The following CNTNAP4 variants were observed in gnomAD, a reference collection of about 807,000 sequenced individuals.
The protein encoded by CNTNAP4 is contactin associated protein family member 4.
CNTNAP4 carries 98 observed loss-of-function variants against 148.4 expected under a neutral mutation model. The observed-to-expected ratio is 0.66, with a 90% CI of 0.56 to 0.78. The LOEUF (loss-of-function observed/expected upper bound fraction) is 0.78, where lower values mean the gene tolerates loss of function less well. Ranked by LOEUF, CNTNAP4 falls within the 30% of genes least tolerant of loss-of-function variation. The probability of loss-of-function intolerance (pLI) is 0.00; values close to 1 mark genes in which losing one functional copy is unlikely to be tolerated. For synonymous variants in CNTNAP4, 730 were observed against 565.1 expected (o/e 1.29, Z -4.14); for missense variants, 1,935 against 1,565.6 (o/e 1.24, Z -3.98).
intron 2 of CNTNAP4, among the ~76,000 whole-genome samples, chr16:76,353,906 T>TAC (rs2012208605): frequency 1.3e-5 from 2 of 152,176 alleles, no homozygotes; most frequent in Admixed American, 1.3e-4. Flanking sequence ...CGCCCTACCA[T>TAC]AACAGCAAAC....
At chr16:76,490,498 C>A (rs2082177260) in intron 13 of CNTNAP4, among the ~76,000 whole-genome samples, 1 of 149,588 alleles carries the variant, frequency 6.7e-6, no homozygotes. Context: ...TCTGTTTCCA[C>A]CACATCTGCC....
intron 8 of CNTNAP4, among the ~76,000 whole-genome samples, chr16:76,456,210 C>T (rs1236418232): frequency 6.6e-6 from 1 of 152,160 alleles, no homozygotes; most frequent in Non-Finnish European, 1.5e-5. Flanking sequence ...AGAACACACC[C>T]TGGAAACCAA....
chr16:76,380,488 C>T (rs2015857490), intron 3 of CNTNAP4, among the ~76,000 whole-genome samples: 1 of 152,124 alleles, frequency 6.6e-6, no homozygotes, highest in Non-Finnish European at 1.5e-5. Flanking sequence ...ATTATTAGAG[C>T]ATTTTTGTAT....
Position 76,313,930 on chromosome 16 carries a change from G to C in CNTNAP4, c.86-2483G>C, listed in dbSNP as rs538224485. 1.4e-4 allele frequency among the ~76,000 whole-genome samples: 22 copies of C among 152,150 alleles called. No individual in the cohort carries two copies. The South Asian group carries it at 2.9e-3, about 20-fold the overall frequency. ...ATTTTTCTGATTAATGCAAAAATGG[G>C]AACAACTTAAGAGTATAAAATAAAA... is the stretch of plus-strand genomic sequence containing the variant. On this transcript the variant is annotated intron_variant, in intron 1 of 23. Coordinates refer to ENST00000611870, the MANE Select transcript of CNTNAP4 (RefSeq NM_033401.5).
intron 21 of CNTNAP4, among the ~76,000 whole-genome samples, chr16:76,546,710 G>A (rs2084750698): frequency 6.6e-6 from 1 of 152,134 alleles, no homozygotes; most frequent in East Asian, 1.9e-4. Flanking sequence ...TAGAAAACCT[G>A]TCTTCCTTGA....
At chr16:76,469,058 A>G (rs1297334516) in intron 10 of CNTNAP4, among the ~76,000 whole-genome samples, 1 of 152,202 alleles carries the variant, frequency 6.6e-6, no homozygotes, top group African/African-American at 2.4e-5. Flanking sequence ...TTTATATCCA[A>G]TGGACCACTC....
Position 76,351,403 on chromosome 16 carries a change from T to C in CNTNAP4, c.197-3915T>C, listed in dbSNP as rs761851624. 4.7e-4 allele frequency among the ~76,000 whole-genome samples: 72 copies of C among 152,094 alleles called. 1 individual carries two copies. The highest frequency in any genetic ancestry group is 7.5e-4 in the Non-Finnish European group (51 of 68,020). On this transcript the variant is annotated intron_variant, in intron 2 of 23. Transcript: ENST00000611870. ...TTCTGCAAAGAATAATCAATTTATC[T>C]CTATCGCTCAGTCTATCTGTCTAGC...
At chr16:76,425,951 A>C (rs2079380873) in intron 3 of CNTNAP4, among the ~76,000 whole-genome samples, 1 of 152,160 alleles carries the variant, frequency 6.6e-6, no homozygotes, top group African/African-American at 2.4e-5. Flanking sequence ...GATGGCAAAG[A>C]ACAAAATAAT....
At chr16:76,437,985 A>C (rs2079894309) in intron 4 of CNTNAP4, among the ~76,000 whole-genome samples, 1 of 152,164 alleles carries the variant, frequency 6.6e-6, no homozygotes, top group Admixed American at 6.6e-5. Context: ...AGAGTTCTGA[A>C]GTTTAAGGTA....
At chr16:76,360,639 G>A (rs2013297682) in intron 3 of CNTNAP4, among the ~76,000 whole-genome samples, 1 of 152,206 alleles carries the variant, frequency 6.6e-6, no homozygotes, top group Non-Finnish European at 1.5e-5. Flanking sequence ...AATGCCTAGA[G>A]AGTGCCTGCA....
At chr16:76,452,141 G>A (rs2080513198) in intron 7 of CNTNAP4, among the ~76,000 whole-genome samples, 1 of 149,128 alleles carries the variant, frequency 6.7e-6, no homozygotes, top group Non-Finnish European at 1.5e-5. Context: ...TTCAGCTTTT[G>A]TTATTTCATT....
At chr16:76,450,054 T>A (rs2080402312) in intron 7 of CNTNAP4, among the ~76,000 whole-genome samples, 196 bp downstream of exon 7, 1 of 152,166 alleles carries the variant, frequency 6.6e-6, no homozygotes, top group Non-Finnish European at 1.5e-5. Context: ...CATAATTATT[T>A]TATTTTTATA....
At chr16:76,367,567 C>T (rs1484605621) in intron 3 of CNTNAP4, among the ~76,000 whole-genome samples, 1 of 152,186 alleles carries the variant, frequency 6.6e-6, no homozygotes, top group African/African-American at 2.4e-5. Flanking sequence ...GACTGACATT[C>T]TGACTGACTG....
chr16:76,433,404 ATAAAT>A (rs2079687755), intron 4 of CNTNAP4, among the ~76,000 whole-genome samples: 1 of 152,220 alleles, frequency 6.6e-6, no homozygotes, highest in Admixed American at 6.5e-5. Context: ...ATCATATTTA[ATAAAT>A]TAAACATCAA....
intron 18 of CNTNAP4, among the ~76,000 whole-genome samples, chr16:76,536,471 C>G (rs1410838533): frequency 6.6e-6 from 1 of 152,146 alleles, no homozygotes. Flanking sequence ...GCTGGGATTA[C>G]AGACGTGAGT....
intron 1 of CNTNAP4, among the ~76,000 whole-genome samples, chr16:76,286,530 A>C (rs1958892982): frequency 6.6e-6 from 1 of 152,070 alleles, no homozygotes; most frequent in Admixed American, 6.6e-5. Flanking sequence ...CCCAGTAGTT[A>C]ACTCAACTTC....
intron 21 of CNTNAP4, among the ~76,000 whole-genome samples, chr16:76,542,088 C>T (rs974911690): frequency 6.6e-5 from 10 of 152,126 alleles, no homozygotes; most frequent in Non-Finnish European, 1.2e-4. Flanking sequence ...CAGATAAGAC[C>T]GTGTGCACTC....
intron 3 of CNTNAP4, among the ~76,000 whole-genome samples, chr16:76,370,306 A>C (rs1450477016): frequency 6.6e-6 from 1 of 152,012 alleles, no homozygotes; most frequent in Non-Finnish European, 1.5e-5. Flanking sequence ...AAAAATCCTT[A>C]GTTCTGGTTC....
intron 1 of CNTNAP4, among the ~76,000 whole-genome samples, chr16:76,313,217 T>C (rs903208486): frequency 6.6e-6 from 1 of 152,214 alleles, no homozygotes; most frequent in Non-Finnish European, 1.5e-5. Flanking sequence ...ACAATAAATA[T>C]ATGTTCCCTA....
Sources: gnomAD v4.1 joint callset for allele counts (sites outside exome capture counted in the v4.1 genomes callset) on GRCh38, gnomAD v4.1.1 for gene constraint, MANE v1.5 for transcripts, NCBI Gene and HGNC (gene_info 2026-07-23, HGNC 2026-07-21) for gene names.